Variants in TG observed in about 807,000 individuals in gnomAD.
The protein encoded by TG is thyroid hormones.
In TG, 270 loss-of-function variants were observed where a neutral mutation model predicts 324.7. The observed-to-expected ratio is 0.83, with a 90% confidence interval of 0.75 to 0.92. The LOEUF is 0.92. TG is among the 40% of genes least tolerant of loss of function. TG has a pLI of 0.00. For synonymous variants in TG, 1,401 were observed against 1,327.0 expected (o/e 1.06, Z -1.21); for missense variants, 3,591 against 3,456.4 (o/e 1.04, Z -0.98).
chr8:132,917,547 C>T (rs572076969), intron 20 of TG, among the ~76,000 whole-genome samples: 4 of 151,958 alleles, frequency 2.6e-5, no homozygotes, highest in Admixed American at 6.6e-5. Context: ...GTGTGGGAAA[C>T]GTGACAAGAA....
chr8:133,024,400 T>G (rs927688519), intron 40 of TG, among the ~76,000 whole-genome samples: 12 of 148,246 alleles, frequency 8.1e-5, no homozygotes, highest in Non-Finnish European at 1.8e-4. Flanking sequence ...CTTTTTCTTT[T>G]TTTAATTTTA....
intron 41 of TG, among the ~76,000 whole-genome samples, chr8:133,090,812 A>T (rs1206981395): frequency 2.6e-5 from 4 of 152,170 alleles, no homozygotes; most frequent in Non-Finnish European, 5.9e-5. Context: ...GCTGGAATTA[A>T]AACCCCAGTC....
At chr8:132,926,824 G>C (rs1821931788) in intron 22 of TG, among the ~76,000 whole-genome samples, 1 of 152,322 alleles carries the variant, frequency 6.6e-6, no homozygotes, top group South Asian at 2.1e-4. Flanking sequence ...CACAGAGCTG[G>C]TGGTGGCATC....
In TG at chr8:132,871,277, G is replaced by A. The variant is rs1027609111; in HGVS notation, c.275-71G>A. ...CTGTGTCCCCTTGGGAAGGGAGCAT[G>A]AGTTTTCCTGGGCTCTGCCCCCTGG... On this transcript the variant is annotated intron_variant, in intron 3 of 47. Coordinates refer to ENST00000220616, the MANE Select transcript of TG (RefSeq NM_003235.5). 1.1e-5 allele frequency: 17 copies of A among 1,521,056 alleles called. No homozygotes were observed. In the African/African-American group the frequency reaches 2.3e-4, roughly 21 times the overall value. 94.2% of individuals were successfully genotyped at this position (1,521,056 alleles called of 1,614,324 possible). A position where few individuals can be genotyped will look rare whatever the true frequency, so the allele number is the denominator to read the frequency against.
At chr8:133,038,866 A>T (rs1837592419) in intron 41 of TG, 1 of 613,238 alleles carries the variant, frequency 1.6e-6, no homozygotes, top group Middle Eastern at 4.3e-4. Context: ...CTATTTCTCT[A>T]ACTTATTATT....
intron 16 of TG, among the ~76,000 whole-genome samples, chr8:132,904,504 C>G (rs557091016): frequency 5.3e-5 from 8 of 152,366 alleles, no homozygotes; most frequent in African/African-American, 1.9e-4. Flanking sequence ...TCTTCCTTCT[C>G]TCCTTAGCCA....
At chr8:132,893,581 G>A (rs1480388345) in intron 10 of TG, 109 bp from the exon 11 acceptor site, 3 of 1,409,192 alleles carry the variant, frequency 2.1e-6, no homozygotes, top group African/African-American at 1.4e-5. Flanking sequence ...TGTGTGTGTG[G>A]TGTGTGTGTG....
At chr8:133,082,013 G>C (rs7825913) in intron 41 of TG, among the ~76,000 whole-genome samples, 39,014 of 152,118 alleles carry the variant, frequency 0.26, 5,319 homozygotes, top group African/African-American at 0.31. Flanking sequence ...ATCTTCCCTT[G>C]GTGCCAATTT....
chr8:133,073,281 T>C (rs894668177), intron 41 of TG: 1 of 152,228 alleles, frequency 6.6e-6, no homozygotes, highest in African/African-American at 2.4e-5. Context: ...TCTAATTAGA[T>C]TTCAATTTGT....
chr8:132,972,952 AG>A (rs1829733963), intron 34 of TG, among the ~76,000 whole-genome samples: 1 of 152,222 alleles, frequency 6.6e-6, no homozygotes, highest in Admixed American at 6.5e-5. Context: ...ACTAGGTCTC[AG>A]TAAAGACGGA....
At chr8:132,887,803 G>T (rs1166868860) in intron 9 of TG, among the ~76,000 whole-genome samples, 181 bp from the exon 10 acceptor site, 1 of 152,138 alleles carries the variant, frequency 6.6e-6, no homozygotes. Flanking sequence ...TGATGTCAAT[G>T]GTGCTGATTT....
At chr8:132,929,289 T>C in intron 23 of TG, 97 bp downstream of exon 23, 1 of 920,442 alleles carries the variant, frequency 1.1e-6, no homozygotes. Context: ...ATTAAAACTA[T>C]AATTTAAAAA....
intron 41 of TG, among the ~76,000 whole-genome samples, chr8:133,030,921 C>G (rs1836580865): frequency 6.6e-6 from 1 of 152,234 alleles, no homozygotes; most frequent in Non-Finnish European, 1.5e-5. Flanking sequence ...CTGCCCTGAA[C>G]AGCTTGAGTT....
At chr8:133,127,968 G>T (rs528617046) in intron 45 of TG, among the ~76,000 whole-genome samples, 117 of 152,142 alleles carry the variant, frequency 7.7e-4, no homozygotes, top group Non-Finnish European at 7.6e-4. Flanking sequence ...GTCCACCGCG[G>T]CCTCCTCTCT....
At chr8:132,936,015 T>C in intron 25 of TG, 151 bp downstream of exon 25, 1 of 711,528 alleles carries the variant, frequency 1.4e-6, no homozygotes. Context: ...CTCCATCCTT[T>C]GGCAGACTCA....
In TG at chr8:132,974,967, T is replaced by C. The variant is rs78101289; in HGVS notation, c.6199+2226T>C. Among the ~76,000 whole-genome samples the C allele has an allele frequency of 7.4e-3, 1,122 of 152,370 alleles. 18 individuals are homozygous for C. Among genetic ancestry groups the C allele is most frequent in the African/African-American group, 0.026 (1,068 of 41,582 alleles). The stretch of plus-strand genomic sequence containing the variant: ...CCTGTGATTTGATCTGAATTGACTC[T>C]ATTGGCTTTTTATTTTATTTTAACA... On this transcript the variant is annotated intron_variant, in intron 34 of 47. Transcript: ENST00000220616.
chr8:132,901,641 G>C, intron 16 of TG, 88 bp downstream of exon 16: 1 of 1,446,256 alleles, frequency 6.9e-7, no homozygotes, highest in East Asian at 2.4e-5. Context: ...AGCTGGGAAG[G>C]CAGGGGTGGG....
chr8:132,904,512 C>T lies in TG; in HGVS notation c.3635-2176C>T, dbSNP rs372764222. Reference sequence around the variant, plus strand: ...CTGCACTTCTTCCTTCTCTCCTTAGCCACTCCTCCCTGGCCGTGGGGGCCA... The same window carrying T: ...CTGCACTTCTTCCTTCTCTCCTTAGTCACTCCTCCCTGGCCGTGGGGGCCA... On this transcript the variant is annotated intron_variant, in intron 16 of 47. Coordinates refer to ENST00000220616, the MANE Select transcript of TG (RefSeq NM_003235.5). Among the ~76,000 whole-genome samples, 15 of 152,360 alleles carry T rather than the reference C, an allele frequency of 9.8e-5. No homozygotes were observed. In the East Asian group the frequency reaches 1.3e-3, roughly 14 times the overall value.
intron 14 of TG, 97 bp from the exon 15 acceptor site, chr8:132,900,140 T>G: frequency 5.0e-6 from 5 of 999,442 alleles, no homozygotes; most frequent in Non-Finnish European, 7.7e-6. Context: ...CCATCACCTG[T>G]TGTTTTGGAA....
Sources: gnomAD v4.1 joint callset for allele counts (sites outside exome capture counted in the v4.1 genomes callset) on GRCh38, gnomAD v4.1.1 for gene constraint, MANE v1.5 for transcripts, NCBI Gene and HGNC (gene_info 2026-07-23, HGNC 2026-07-21) for gene names.